Variants in CPLX4 observed in about 807,000 individuals in gnomAD.
CPLX4 encodes complexin 4.
Under a neutral mutation model 16.1 loss-of-function variants are expected in CPLX4, and 17 were observed. The ratio of observed to expected loss-of-function variants is 1.06; its 90% CI spans 0.72 to 1.59. The LOEUF is 1.59. Ranked by LOEUF, CPLX4 falls within the 40% of genes most tolerant of loss-of-function variation. The pLI, the probability that CPLX4 is intolerant of heterozygous loss-of-function variation, is 0.00. For synonymous variants in CPLX4, 55 were observed against 57.8 expected (o/e 0.95, Z 0.22); for missense variants, 193 against 192.9 (o/e 1.00, Z 0.00).
At chr18:59,302,858 A>G (rs2070551380) in intron 2 of CPLX4, among the ~76,000 whole-genome samples, 2 of 152,250 alleles carry the variant, frequency 1.3e-5, no homozygotes, top group Admixed American at 1.3e-4. Context: ...TCCTCTTGTC[A>G]GAGTCTAGTT....
intron 2 of CPLX4, among the ~76,000 whole-genome samples, chr18:59,310,831 C>T (rs1467623746): frequency 6.6e-6 from 1 of 151,982 alleles, no homozygotes; most frequent in African/African-American, 2.4e-5. Flanking sequence ...TGTGATATTG[C>T]ATCACAGAGC....
chr18:59,306,703 T>A (rs2070578748), intron 2 of CPLX4, among the ~76,000 whole-genome samples: 1 of 152,218 alleles, frequency 6.6e-6, no homozygotes, highest in Non-Finnish European at 1.5e-5. Context: ...GACATAGTTA[T>A]CCTCATTAGA....
intron 1 of CPLX4, among the ~76,000 whole-genome samples, chr18:59,313,182 C>A (rs1335980073): frequency 2.0e-5 from 3 of 152,148 alleles, no homozygotes; most frequent in Admixed American, 6.5e-5. Context: ...GGGGAAGCTA[C>A]ATTTTTAGCA....
At chr18:59,310,928 C>T (rs986303853) in intron 2 of CPLX4, among the ~76,000 whole-genome samples, 4 of 149,072 alleles carry the variant, frequency 2.7e-5, no homozygotes, top group South Asian at 4.3e-4. Flanking sequence ...ACATTCTGGA[C>T]GATGCACACC....
chr18:59,307,820 C>T (rs1449072355), intron 2 of CPLX4, among the ~76,000 whole-genome samples: 1 of 149,308 alleles, frequency 6.7e-6, no homozygotes. Context: ...GGCCCAATCT[C>T]GGCTCACTGC....
chr18:59,302,414 C>T (rs1568104786), intron 2 of CPLX4, among the ~76,000 whole-genome samples: 2 of 152,148 alleles, frequency 1.3e-5, no homozygotes, highest in African/African-American at 2.4e-5. Flanking sequence ...GGATGAGAAC[C>T]GTGGCGTGAA....
chr18:59,300,462 T>A (rs530487872), intron 2 of CPLX4, among the ~76,000 whole-genome samples: 1 of 152,244 alleles, frequency 6.6e-6, no homozygotes, highest in African/African-American at 2.4e-5. Context: ...TAAAGAGCTC[T>A]GTTTTCGTAG....
intron 2 of CPLX4, among the ~76,000 whole-genome samples, chr18:59,298,992 G>C (rs1043867778): frequency 6.6e-6 from 1 of 152,198 alleles, no homozygotes; most frequent in African/African-American, 2.4e-5. Flanking sequence ...CCTCCTTGGA[G>C]AGCCTGGAGG....
rs1369219375 is a variant in CPLX4, at chr18:59,295,743, G to C, written c.*955C>G. On this transcript the variant is annotated 3_prime_UTR_variant, in exon 3 of 3. Transcript: ENST00000299721. ...TGAAAGCTTGTGGCACCAAATGACA[G>C]TGTGATTTACTGGAAGGTAGTCTAA... 6.6e-6 allele frequency: 1 copy of C among 151,756 alleles called. No individual in the cohort carries two copies. Among genetic ancestry groups the C allele is most frequent in the Non-Finnish European group, 1.5e-5 (1 of 67,970 alleles). 9.4% of individuals were successfully genotyped at this position (151,756 alleles called of 1,614,324 possible).
At chr18:59,317,954 G>T (rs1049800616) in intron 1 of CPLX4, among the ~76,000 whole-genome samples, 5 of 151,936 alleles carry the variant, frequency 3.3e-5, no homozygotes. Flanking sequence ...AGTTTAGAAA[G>T]AATGTAAAGA....
chr18:59,302,450 A>G (rs1459884916), intron 2 of CPLX4, among the ~76,000 whole-genome samples: 1 of 152,234 alleles, frequency 6.6e-6, no homozygotes, highest in African/African-American at 2.4e-5. Context: ...GCCAGCACAT[A>G]ATTAGGGGAC....
chr18:59,296,849 T>G lies in CPLX4; in HGVS notation c.332A>C (p.Asp111Ala), dbSNP rs775579082. 4 of 1,613,776 alleles carry G rather than the reference T, an allele frequency of 2.5e-6. No homozygotes were observed. The Admixed American group carries it at 6.7e-5, about 27-fold the overall frequency. Residue 111 changes from aspartate (D) to alanine (A), a missense_variant, in exon 3 of 3, where the codon GAT becomes GCT. Transcript: ENST00000299721. ...DLPEDLRKMV[D>A]EDQEEEEDKD... ...ATCTTCTTCCTCTTCTTGATCTTCA[T>G]CTACCATTTTCCGGAGATCTTCAGG...
In CPLX4 at chr18:59,315,249, A is replaced by T. The variant is rs1233820404; in HGVS notation, c.168-2477T>A. Among the ~76,000 whole-genome samples the T allele has an allele frequency of 2.0e-5, 3 of 151,994 alleles. No individual in the cohort carries two copies. The East Asian group carries it at 5.8e-4, about 29-fold the overall frequency. On this transcript the variant is annotated intron_variant, in intron 1 of 2. Coordinates refer to ENST00000299721, the MANE Select transcript of CPLX4 (RefSeq NM_181654.4). ...GGAGTGCTACTTTACTGTGATTTTA[A>T]TTTTTTCCATTTCCAAGACAGCTAA...
intron 2 of CPLX4, among the ~76,000 whole-genome samples, chr18:59,309,820 G>A (rs1450221990): frequency 5.5e-3 from 342 of 61,722 alleles, no homozygotes; most frequent in African/African-American, 0.028. Context: ...GAGACTCTGT[G>A]TCAAAAAAAA....
intron 2 of CPLX4, among the ~76,000 whole-genome samples, chr18:59,304,020 G>T (rs1168113296): frequency 1.3e-5 from 2 of 152,192 alleles, no homozygotes; most frequent in Admixed American, 6.5e-5. Flanking sequence ...GCAAAGGAAG[G>T]TTCACACAAT....
chr18:59,314,958 G>C (rs779764995), intron 1 of CPLX4, among the ~76,000 whole-genome samples: 3 of 152,206 alleles, frequency 2.0e-5, no homozygotes, highest in Non-Finnish European at 4.4e-5. Context: ...GTGACAGTAA[G>C]TAAAGCTGCT....
intron 1 of CPLX4, among the ~76,000 whole-genome samples, chr18:59,313,330 T>C (rs1315576975): frequency 6.6e-6 from 1 of 152,134 alleles, no homozygotes; most frequent in Non-Finnish European, 1.5e-5. Context: ...AGACCCCAAT[T>C]TAGGTACGGT....
chr18:59,307,864 G>A (rs112138928), intron 2 of CPLX4, among the ~76,000 whole-genome samples: 2 of 148,324 alleles, frequency 1.3e-5, no homozygotes, highest in African/African-American at 4.9e-5. Flanking sequence ...CAATTCCCCT[G>A]CCTTAGCCTC....
At chr18:59,313,387 A>G (rs1034827459) in intron 1 of CPLX4, among the ~76,000 whole-genome samples, 2 of 152,186 alleles carry the variant, frequency 1.3e-5, no homozygotes, top group African/African-American at 4.8e-5. Flanking sequence ...AAGGCAGGGT[A>G]TGTTTCCAGA....
Sources: allele counts gnomAD v4.1 joint callset (sites outside exome capture counted in the v4.1 genomes callset), GRCh38; gene constraint gnomAD v4.1.1; transcripts MANE v1.5; gene names NCBI Gene and HGNC (gene_info 2026-07-23, HGNC 2026-07-21).